The following R3HDM2 variants were observed in gnomAD, a reference collection of about 807,000 sequenced individuals.
R3HDM2 encodes R3H domain containing 2.
Under a neutral mutation model 124.5 loss-of-function variants are expected in R3HDM2, and 38 were observed. The ratio of observed to expected loss-of-function variants is 0.31; its 90% CI spans 0.24 to 0.40. The LOEUF (loss-of-function observed/expected upper bound fraction) is 0.40, where lower values mean the gene tolerates loss of function less well. R3HDM2 is among the 10% of genes least tolerant of loss of function. R3HDM2 has a pLI of 1.00. For synonymous variants in R3HDM2, 391 were observed against 448.0 expected, an observed-to-expected ratio of 0.87 and a Z score of 1.61; for missense variants, 869 against 1,236.9, an observed-to-expected ratio of 0.70 and a Z score of 4.46.
rs1184240225 is a variant in R3HDM2, at chr12:57,256,372, G to T, written c.2547+42C>A. The stretch of plus-strand genomic sequence containing the variant: ...TCAGACACAGGCACCCAAATAAGAA[G>T]AGGGGTCTGATGGCCCTACAGTTGC... On this transcript the variant is annotated intron_variant, in intron 22 of 23. Transcript: ENST00000402412. 2.1e-6 allele frequency: 3 copies of T among 1,440,632 alleles called. No individual in the cohort carries two copies. In the Admixed American group the frequency reaches 6.7e-5, roughly 32 times the overall value. The allele number at this position is 1,440,632 out of a possible 1,614,324, so 89.2% of individuals were successfully genotyped here.
intron 1 of R3HDM2, among the ~76,000 whole-genome samples, chr12:57,428,428 G>A (rs906059576): frequency 1.1e-4 from 17 of 149,974 alleles, no homozygotes; most frequent in Non-Finnish European, 1.6e-4. Context: ...TCAGGAGATC[G>A]AGACCATCCT....
rs10649122 is a variant in R3HDM2 at position 57,256,816 on chromosome 12, A to ATC, written c.2450-307_2450-306dup. Reference sequence around the variant, plus strand: ...TTACAGACCCTTATGAATGTCTTTTATCTCTCTTTTTTTTTTTTTTTGAGA... The same window carrying ATC: ...TTACAGACCCTTATGAATGTCTTTTATCTCTCTCTTTTTTTTTTTTTTTGAGA... On this transcript the variant is annotated intron_variant, in intron 21 of 23. Coordinates refer to ENST00000402412, the MANE Select transcript of R3HDM2 (RefSeq NM_001394031.1). 4.8e-5 allele frequency among the ~76,000 whole-genome samples: 7 copies of ATC among 147,196 alleles called. No individual in the cohort carries two copies. In the East Asian group the frequency reaches 6.2e-4, roughly 13 times the overall value.
At chr12:57,372,579 C>G (rs540087347) in intron 2 of R3HDM2, among the ~76,000 whole-genome samples, 80 of 152,210 alleles carry the variant, frequency 5.3e-4, no homozygotes, top group African/African-American at 1.9e-3. Context: ...AATCTGATAA[C>G]AAGAGAGCTA....
intron 22 of R3HDM2, 76 bp downstream of exon 22, chr12:57,256,338 G>T: frequency 1.6e-6 from 2 of 1,249,190 alleles, no homozygotes; most frequent in Non-Finnish European, 2.2e-6. Flanking sequence ...ATACCCAGCT[G>T]GTTGAAGCTC....
chr12:57,393,075 A>T (rs1244848337), intron 2 of R3HDM2, among the ~76,000 whole-genome samples: 1 of 148,214 alleles, frequency 6.7e-6, no homozygotes, highest in Admixed American at 6.8e-5. Context: ...GAGTGCTGGG[A>T]TTACAGGCGT....
At chr12:57,285,177 C>T (rs2047047043) in intron 12 of R3HDM2, among the ~76,000 whole-genome samples, 1 of 152,144 alleles carries the variant, frequency 6.6e-6, no homozygotes, top group South Asian at 2.1e-4. Flanking sequence ...AAACCCCATT[C>T]CAATCCCACT....
chr12:57,389,725 A>G lies in R3HDM2; in HGVS notation c.-36+6024T>C, dbSNP rs902138110. On this transcript the variant is annotated intron_variant, in intron 2 of 23. Coordinates refer to ENST00000402412, the MANE Select transcript of R3HDM2 (RefSeq NM_001394031.1). ...AAGTTGTGATTTTATAAACATGACC[A>G]TATTTTTTAACAAAGAATAAAAAGA... Among the ~76,000 whole-genome samples, 4 of 152,360 alleles carry G rather than the reference A, an allele frequency of 2.6e-5. No homozygotes were observed. In the South Asian group the frequency reaches 6.2e-4, roughly 24 times the overall value.
At position 57,255,973 on chromosome 12, in the gene R3HDM2, A is replaced by G. The variant is rs1041365437; in HGVS notation, c.2632+17T>C. 1.2e-6 allele frequency: 2 copies of G among 1,605,148 alleles called. No homozygotes were observed. Among genetic ancestry groups the G allele is most frequent in the African/African-American group, 2.7e-5 (2 of 74,902 alleles). ...GGTGGGCACCTTCTCTTGGGGATTC[A>G]GCATCCCGTGACTCACCAACATCTG... On this transcript the variant is annotated intron_variant, in intron 23 of 23. Transcript: ENST00000402412.
chr12:57,403,740 G>A (rs1222702088), intron 1 of R3HDM2, among the ~76,000 whole-genome samples: 1 of 151,354 alleles, frequency 6.6e-6, no homozygotes, highest in Non-Finnish European at 1.5e-5. Context: ...GATCGCCTGA[G>A]CCCAGGAGGT....
intron 3 of R3HDM2, among the ~76,000 whole-genome samples, chr12:57,310,033 C>T (rs981346507): frequency 2.0e-5 from 3 of 152,114 alleles, no homozygotes; most frequent in Admixed American, 1.3e-4. Flanking sequence ...GCAACATAGA[C>T]CCTGTCTCTA....
chr12:57,339,747 C>G (rs1593543071), intron 2 of R3HDM2, among the ~76,000 whole-genome samples: 1 of 151,284 alleles, frequency 6.6e-6, no homozygotes, highest in Admixed American at 6.6e-5. Context: ...ACAGTGAGAG[C>G]TGTTAAGGGA....
At chr12:57,336,309 A>C (rs1393387803) in intron 2 of R3HDM2, among the ~76,000 whole-genome samples, 1 of 152,172 alleles carries the variant, frequency 6.6e-6, no homozygotes, top group Non-Finnish European at 1.5e-5. Flanking sequence ...GTTTATACCT[A>C]GAGGAATATA....
chr12:57,409,000 CTTAA>C (rs1281310711), intron 1 of R3HDM2, among the ~76,000 whole-genome samples: 1 of 152,128 alleles, frequency 6.6e-6, no homozygotes, highest in Non-Finnish European at 1.5e-5. Context: ...CAGCAATTGA[CTTAA>C]TTAAATTATA....
At chr12:57,395,573 C>T (rs2067389123) in intron 2 of R3HDM2, among the ~76,000 whole-genome samples, 176 bp downstream of exon 2, 1 of 152,080 alleles carries the variant, frequency 6.6e-6, no homozygotes, top group Non-Finnish European at 1.5e-5. Context: ...AGCCACCTCG[C>T]CTGGCACTGA....
intron 2 of R3HDM2, among the ~76,000 whole-genome samples, chr12:57,334,567 C>T (rs1170151328): frequency 1.3e-5 from 2 of 152,006 alleles, no homozygotes; most frequent in African/African-American, 2.4e-5. Flanking sequence ...GAAATGCTGC[C>T]ATTCTGTTAT....
At chr12:57,308,555 G>A (rs184864792) in intron 3 of R3HDM2, among the ~76,000 whole-genome samples, 57 of 151,758 alleles carry the variant, frequency 3.8e-4, no homozygotes, top group Admixed American at 1.1e-3. Context: ...GTGTCGTGGC[G>A]GGCGCCTGTA....
Position 57,268,428 on chromosome 12 carries a change from C to A in R3HDM2, c.1905G>T (p.Val635=). 1 of 1,614,048 alleles carries A rather than the reference C, an allele frequency of 6.2e-7. No individual in the cohort carries two copies. The highest frequency in any genetic ancestry group is 8.5e-7 in the Non-Finnish European group (1 of 1,180,018). The part of the protein sequence containing the change: ...QVPVGSDSQN[V]VQPPFQQPML... ...TGGGTTGCTGGAAAGGCGGCTGGACCACATTTTGCGAGTCACTACCCACTG... is the reference window on the plus strand; with the variant it reads ...TGGGTTGCTGGAAAGGCGGCTGGACAACATTTTGCGAGTCACTACCCACTG... Residue 635 remains valine (V), a synonymous_variant, in exon 18 of 24, where the codon GTG becomes GTT. Coordinates refer to ENST00000402412, the MANE Select transcript of R3HDM2 (RefSeq NM_001394031.1).
At chr12:57,313,165 C>A (rs769990286) in intron 2 of R3HDM2, among the ~76,000 whole-genome samples, 2 of 152,202 alleles carry the variant, frequency 1.3e-5, no homozygotes, top group African/African-American at 4.8e-5. Context: ...TACCCACCCC[C>A]ACAATGGGTA....
chr12:57,305,403 T>C (rs2052352575), intron 3 of R3HDM2, among the ~76,000 whole-genome samples: 1 of 152,088 alleles, frequency 6.6e-6, no homozygotes, highest in African/African-American at 2.4e-5. Flanking sequence ...AATGACCATA[T>C]CATTGAATAT....
Sources: allele counts gnomAD v4.1 joint callset (sites outside exome capture counted in the v4.1 genomes callset), GRCh38; gene constraint gnomAD v4.1.1; transcripts MANE v1.5; gene names NCBI Gene and HGNC (gene_info 2026-07-23, HGNC 2026-07-21).